The following KALRN variants were observed in gnomAD, a reference collection of about 807,000 sequenced individuals.
KALRN encodes the protein kalirin.
A neutral mutation model predicts 353.7 loss-of-function variants in KALRN; 70 were observed. The ratio of observed to expected loss-of-function variants is 0.20; its 90% CI spans 0.16 to 0.24. The LOEUF (loss-of-function observed/expected upper bound fraction) is 0.24. Among genes scored for constraint, KALRN ranks in the 10% least tolerant of loss-of-function variants. KALRN has a pLI of 1.00. For synonymous variants in KALRN, 1,391 were observed against 1,434.8 expected (o/e 0.97, Z 0.69); for missense variants, 2,791 against 3,756.7 (o/e 0.74, Z 6.72).
chr3:124,556,158 G>C (rs1247602723), intron 33 of KALRN, among the ~76,000 whole-genome samples: 1 of 152,034 alleles, frequency 6.6e-6, no homozygotes, highest in African/African-American at 2.4e-5. Context: ...CAATTCACAA[G>C]ACCTGCAAGA....
intron 14 of KALRN, among the ~76,000 whole-genome samples, chr3:124,422,099 C>G (rs182680695): frequency 3.5e-4 from 53 of 152,260 alleles, no homozygotes; most frequent in African/African-American, 1.1e-3. Flanking sequence ...ACAACTTTAA[C>G]GTGAAGCTTT....
At position 124,439,034 on chromosome 3, in the gene KALRN, T is replaced by A. The variant is rs1422650666; in HGVS notation, c.3195T>A (p.Leu1065=). 2 of 1,614,104 alleles carry A rather than the reference T, an allele frequency of 1.2e-6. No individual in the cohort carries two copies. Among genetic ancestry groups the A allele is most frequent in the Non-Finnish European group, 1.7e-6 (2 of 1,179,994 alleles). ...SKHLEQKEAF[L]KACTLARRNA... Reference sequence around the variant, plus strand: ...ATTTGGAACAAAAGGAGGCCTTTCTTAAGGTCAGAGCACATTGTCATGCAA... The same window carrying A: ...ATTTGGAACAAAAGGAGGCCTTTCTAAAGGTCAGAGCACATTGTCATGCAA... Residue 1065 remains leucine, a synonymous_variant, in exon 18 of 60, where the codon CTT becomes CTA. Coordinates refer to ENST00000682506, the MANE Select transcript of KALRN (RefSeq NM_001388419.1).
At chr3:124,701,963 A>G in intron 56 of KALRN, 75 bp from the exon 57 acceptor site, 1 of 1,154,640 alleles carries the variant, frequency 8.7e-7, no homozygotes, top group Non-Finnish European at 1.3e-6. Context: ...GTTACTCTGG[A>G]GCTTTTCTGT....
rs1490350748 is a variant in KALRN, at chr3:124,515,536, C to T, written c.4935+19123C>T. Among the ~76,000 whole-genome samples, 7 of 152,184 alleles carry T rather than the reference C, an allele frequency of 4.6e-5. No individual in the cohort carries two copies. In the East Asian group the frequency reaches 1.2e-3, roughly 25 times the overall value. On this transcript the variant is annotated intron_variant, in intron 33 of 59. Transcript: ENST00000682506. ...ATAAAGAAAAGACCTCTGTGCTAAG[C>T]ATTCCAAGGCAAGTGACCCTTAGAA...
At chr3:124,677,493 C>T in intron 49 of KALRN, 1 of 437,772 alleles carries the variant, frequency 2.3e-6, no homozygotes, top group Non-Finnish European at 4.6e-6. Context: ...CACATTAGTT[C>T]TTGTCCCAAT....
At chr3:124,512,371 G>T (rs1257824360) in intron 33 of KALRN, among the ~76,000 whole-genome samples, 1 of 152,074 alleles carries the variant, frequency 6.6e-6, no homozygotes, top group Non-Finnish European at 1.5e-5. Flanking sequence ...GAAGGGGGTG[G>T]CCAGGTGCGG....
At chr3:124,151,832 T>C in intron 1 of KALRN, 1 of 409,728 alleles carries the variant, frequency 2.4e-6, no homozygotes, top group Non-Finnish European at 4.4e-6. Flanking sequence ...TTTGGATCAG[T>C]AATTCATTTG....
chr3:124,619,476 T>C (rs990812997), intron 34 of KALRN, among the ~76,000 whole-genome samples: 2 of 134,162 alleles, frequency 1.5e-5, no homozygotes, highest in African/African-American at 5.8e-5. Context: ...CCTTTTTATT[T>C]TCCTTCTTTT....
At chr3:124,678,789 C>T (rs2087482194) in intron 50 of KALRN, among the ~76,000 whole-genome samples, 1 of 152,152 alleles carries the variant, frequency 6.6e-6, no homozygotes, top group African/African-American at 2.4e-5. Context: ...GTTCAGACAA[C>T]ATCAACTTCA....
chr3:124,098,874 T>C (rs1023567022), intron 1 of KALRN, among the ~76,000 whole-genome samples: 3 of 152,236 alleles, frequency 2.0e-5, no homozygotes, highest in Admixed American at 1.3e-4. Context: ...GTTAAAATAG[T>C]GACAGAAGTA....
At chr3:124,314,300 T>G (rs2078587051) in intron 6 of KALRN, among the ~76,000 whole-genome samples, 1 of 128,626 alleles carries the variant, frequency 7.8e-6, no homozygotes, top group South Asian at 2.4e-4. Context: ...AATTGAACAA[T>G]GAGAACACTT....
chr3:124,197,714 G>A (rs533368494), intron 1 of KALRN, among the ~76,000 whole-genome samples: 1 of 152,312 alleles, frequency 6.6e-6, no homozygotes, highest in African/African-American at 2.4e-5. Context: ...CTTGTCCTCT[G>A]CCCTGACCAC....
At chr3:124,418,422 A>G (rs1172937493) in intron 14 of KALRN, among the ~76,000 whole-genome samples, 1 of 152,180 alleles carries the variant, frequency 6.6e-6, no homozygotes, top group Non-Finnish European at 1.5e-5. Context: ...ACACTGATCT[A>G]AAAACCTCAT....
At chr3:124,245,476 AGAT>A (rs2081008914) in intron 3 of KALRN, among the ~76,000 whole-genome samples, 1 of 152,306 alleles carries the variant, frequency 6.6e-6, no homozygotes, top group East Asian at 1.9e-4. Context: ...TTTGATACAC[AGAT>A]TTCCTTTCTT....
chr3:124,096,931 C>G (rs1007566071), intron 1 of KALRN, among the ~76,000 whole-genome samples: 3 of 152,188 alleles, frequency 2.0e-5, no homozygotes, highest in African/African-American at 7.2e-5. Context: ...CTTCCATGCA[C>G]GTTTGATCAC....
chr3:124,660,940 T>C lies in KALRN; in HGVS notation c.6234T>C (p.Ser2078=). The change falls in exon 44 of 60, where the codon AGT becomes AGC. Residue 2078 remains serine, a synonymous_variant. Coordinates refer to ENST00000682506, the MANE Select transcript of KALRN (RefSeq NM_001388419.1). ...CTTGTTAGGACTTCCTGAGATACAGTGAGAAGGCTGGTTTGGAGTGTTCAG... is the reference window on the plus strand; with the variant it reads ...CTTGTTAGGACTTCCTGAGATACAGCGAGAAGGCTGGTTTGGAGTGTTCAG... ...QLLLKDFLRY[S]EKAGLECSDI... is the part of the protein sequence containing the mutation. 6.2e-7 allele frequency: 1 copy of C among 1,609,602 alleles called. No homozygotes were observed. Among genetic ancestry groups the C allele is most frequent in the African/African-American group, 1.3e-5 (1 of 74,850 alleles).
chr3:124,532,103 TCTGGCATA>T (rs2068092499), intron 33 of KALRN, among the ~76,000 whole-genome samples: 2 of 152,290 alleles, frequency 1.3e-5, no homozygotes, highest in Non-Finnish European at 2.9e-5. Flanking sequence ...TCTATTGGCA[TCTGGCATA>T]AGATTCTCTA....
intron 5 of KALRN, among the ~76,000 whole-genome samples, chr3:124,278,991 C>A (rs1402861336): frequency 6.6e-6 from 1 of 152,192 alleles, no homozygotes; most frequent in Non-Finnish European, 1.5e-5. Context: ...CCACTTGTGA[C>A]CTTCTTGGTC....
chr3:124,053,619 TA>T (rs200457389), intron 1 of KALRN, among the ~76,000 whole-genome samples: 16 of 151,562 alleles, frequency 1.1e-4, no homozygotes, highest in South Asian at 2.1e-4. Flanking sequence ...TACAAAACGT[TA>T]AAAAAAAACC....
Sources: gnomAD v4.1 joint callset for allele counts (sites outside exome capture counted in the v4.1 genomes callset) on GRCh38, gnomAD v4.1.1 for gene constraint, MANE v1.5 for transcripts, NCBI Gene and HGNC (gene_info 2026-07-23, HGNC 2026-07-21) for gene names.